Variants in ABCA9 observed in about 807,000 individuals in gnomAD.
ABCA9 encodes ATP binding cassette subfamily A member 9, also known as ATP-binding cassette sub-family A member 9.
Under a neutral mutation model 205.3 loss-of-function variants are expected in ABCA9, and 183 were observed. The observed-to-expected ratio is 0.89, with a 90% CI of 0.79 to 1.01. The LOEUF (loss-of-function observed/expected upper bound fraction) is 1.01. Among genes scored for constraint, ABCA9 ranks in the 50% least tolerant of loss-of-function variants. ABCA9 has a pLI of 0.00. For missense variants in ABCA9, 1,805 were observed against 1,912.4 expected, an observed-to-expected ratio of 0.94 and a Z score of 1.05; for synonymous variants, 651 against 683.3, an observed-to-expected ratio of 0.95 and a Z score of 0.74.
chr17:68,978,825 A>C (rs1446152844), intron 37 of ABCA9, among the ~76,000 whole-genome samples: 1 of 152,196 alleles, frequency 6.6e-6, no homozygotes, highest in African/African-American at 2.4e-5. Flanking sequence ...CCCACAGCCA[A>C]TATCATACTG....
chr17:68,976,816 A>T (rs1306225471), intron 37 of ABCA9, among the ~76,000 whole-genome samples: 1 of 152,206 alleles, frequency 6.6e-6, no homozygotes, highest in Admixed American at 6.5e-5. Context: ...CTGATAAACA[A>T]ACGTTCCTTG....
At chr17:68,982,498 G>T (rs560276154) in intron 37 of ABCA9, 64 bp downstream of exon 37, 3 of 1,213,544 alleles carry the variant, frequency 2.5e-6, no homozygotes, top group Non-Finnish European at 3.7e-6. Flanking sequence ...TTAAAATACT[G>T]GTTCTATGTC....
At chr17:69,055,384 A>G (rs1436233065) in intron 1 of ABCA9, among the ~76,000 whole-genome samples, 1 of 152,224 alleles carries the variant, frequency 6.6e-6, no homozygotes, top group Non-Finnish European at 1.5e-5. Context: ...GAATTCTAAA[A>G]CAGAACAGAC....
intron 27 of ABCA9, chr17:68,992,769 C>T (rs979352070): frequency 2.9e-5 from 10 of 340,170 alleles, no homozygotes; most frequent in East Asian, 2.9e-4. Context: ...GCTGAGATAG[C>T]GCCATTGCAC....
At chr17:69,076,112 T>TG in the ABCA9 span, among the ~76,000 whole-genome samples, 1 of 152,178 alleles carries the variant, frequency 6.6e-6, no homozygotes, top group African/African-American at 2.4e-5. Context: ...TCAAGGGGAA[T>TG]GGTTCCATCT....
At position 69,018,502 on chromosome 17, in the gene ABCA9, G is replaced by A. The variant is rs200396915; in HGVS notation, c.2678C>T (p.Pro893Leu). 6.4e-4 allele frequency: 1,026 copies of A among 1,607,586 alleles called. 3 individuals carry two copies. Among genetic ancestry groups the A allele is most frequent in the Non-Finnish European group, 7.9e-4 (926 of 1,177,038 alleles). Reference protein sequence around the residue: ...LFYESYQKSYPWELSPNTYFL... With the variant: ...LFYESYQKSYLWELSPNTYFL... ...GTATGTATTTGGAGACAGTTCCCAC[G>A]GGTAACTTTTCTGATATGACTCGTA... The change falls in exon 20 of 39, where the codon CCG (proline) becomes CTG (leucine). Residue 893 changes from proline (P) to leucine (L), a missense_variant. Physicochemically the swap from Pro to Leu is moderately conservative, Grantham distance 98. Coordinates refer to ENST00000340001, the MANE Select transcript of ABCA9 (RefSeq NM_080283.4).
At chr17:68,987,866 G>A (rs868275196) in intron 31 of ABCA9, among the ~76,000 whole-genome samples, 74 of 151,950 alleles carry the variant, frequency 4.9e-4, no homozygotes, top group African/African-American at 1.6e-3. Context: ...CCGGGTTCAA[G>A]CAATTCTCCT....
chr17:69,038,025 T>G (rs1229240602), intron 6 of ABCA9, among the ~76,000 whole-genome samples: 1 of 152,146 alleles, frequency 6.6e-6, no homozygotes, highest in East Asian at 1.9e-4. Flanking sequence ...CAGGAAGAAG[T>G]TGAATCCCTG....
At chr17:69,034,501 G>A (rs2071269794) in intron 8 of ABCA9, 2 of 152,180 alleles carry the variant, frequency 1.3e-5, no homozygotes. Context: ...ATTTACAGGT[G>A]TGAGTCACAG....
chr17:69,061,293 AAGAGT>A (rs2072240227), upstream of ABCA9: 1 of 269,478 alleles, frequency 3.7e-6, no homozygotes, highest in Admixed American at 6.5e-5. Flanking sequence ...CAATCCAGAG[AAGAGT>A]AGAGCAGAAC....
chr17:69,066,381 C>CT, the ABCA9 span, among the ~76,000 whole-genome samples: 88 of 149,010 alleles, frequency 5.9e-4, no homozygotes, highest in Non-Finnish European at 8.2e-4. Flanking sequence ...AAAAAAGTAT[C>CT]TTTTTTTTTT....
chr17:68,985,188 G>T, intron 32 of ABCA9, 60 bp from the exon 33 acceptor site: 2 of 1,610,290 alleles, frequency 1.2e-6, no homozygotes, highest in South Asian at 2.2e-5. Context: ...ATGGGAGAAT[G>T]AGCAAATCAG....
chr17:69,018,092 A>AT (rs1045875552), intron 20 of ABCA9: 21 of 365,262 alleles, frequency 5.7e-5, no homozygotes, highest in Non-Finnish European at 4.8e-5. Flanking sequence ...AATTTGAAAC[A>AT]TTTTTTTCCA....
At position 68,975,847 on chromosome 17, in the gene ABCA9, T is replaced by G. The variant is rs117344825; in HGVS notation, c.*68A>C. 19,411 of 1,214,838 alleles carry G rather than the reference T, an allele frequency of 0.016. 208 individuals are homozygous for G. The highest frequency in any genetic ancestry group is 0.02 in the Non-Finnish European group (17,192 of 844,386). 75.3% of individuals were successfully genotyped at this position (1,214,838 alleles called of 1,614,324 possible). On this transcript the variant is annotated 3_prime_UTR_variant, in exon 39 of 39. Transcript: ENST00000340001. ...TGTACCACCTCTGATATAAGGCATATTAAGGCTATAAAATATTATCTTTAA... is the reference window on the plus strand; with the variant it reads ...TGTACCACCTCTGATATAAGGCATAGTAAGGCTATAAAATATTATCTTTAA...
Position 68,983,759 on chromosome 17 carries a change from G to C in ABCA9, c.4590C>G (p.Pro1530=), listed in dbSNP as rs753801877. Residue 1530 remains proline (P), a synonymous_variant, in exon 36 of 39, where the codon CCC becomes CCG. Coordinates refer to ENST00000340001, the MANE Select transcript of ABCA9 (RefSeq NM_080283.4). The part of the protein sequence containing the change: ...MKLKNLAQME[P]LHAEILRLFP... Reference sequence around the variant, plus strand: ...AAAGCCTCAGGATCTCTGCATGGAGGGGCTCCATTTGTGCCAGGTTCTTCA... The same window carrying C: ...AAAGCCTCAGGATCTCTGCATGGAGCGGCTCCATTTGTGCCAGGTTCTTCA... 3.7e-6 allele frequency: 6 copies of C among 1,614,088 alleles called. No individual in the cohort carries two copies. The African/African-American group carries it at 8.0e-5, about 22-fold the overall frequency.
rs193002155 is a variant in ABCA9 at position 69,005,377 on chromosome 17, A to G, written c.3435+2382T>C. 2.4e-3 allele frequency among the ~76,000 whole-genome samples: 360 copies of G among 152,290 alleles called. 2 individuals carry two copies. Among genetic ancestry groups the G allele is most frequent in the African/African-American group, 8.3e-3 (343 of 41,556 alleles). ...TGGGCACCCTATTAGACGTTGGGCC[A>G]CAGTCCAATTCAGTCCAGAGCCCTG... is the stretch of plus-strand genomic sequence containing the variant. On this transcript the variant is annotated intron_variant, in intron 25 of 38. Coordinates refer to ENST00000340001, the MANE Select transcript of ABCA9 (RefSeq NM_080283.4).
intron 1 of ABCA9, among the ~76,000 whole-genome samples, chr17:69,056,835 T>C (rs1217347107): frequency 6.6e-6 from 1 of 152,172 alleles, no homozygotes; most frequent in Non-Finnish European, 1.5e-5. Flanking sequence ...AATAGTTAAA[T>C]ATGTGGTGAT....
chr17:69,036,498 C>T (rs2071342519), intron 6 of ABCA9, among the ~76,000 whole-genome samples: 1 of 152,002 alleles, frequency 6.6e-6, no homozygotes, highest in Non-Finnish European at 1.5e-5. Flanking sequence ...TTTGTCACCA[C>T]CAGGCCTGCC....
chr17:69,066,312 A>G, the ABCA9 span, among the ~76,000 whole-genome samples: 1 of 152,192 alleles, frequency 6.6e-6, no homozygotes, highest in Non-Finnish European at 1.5e-5. Flanking sequence ...AGGTTGCTCA[A>G]TACATATGTT....
Sources: gnomAD v4.1 joint callset for allele counts (sites outside exome capture counted in the v4.1 genomes callset) on GRCh38, gnomAD v4.1.1 for gene constraint, MANE v1.5 for transcripts, NCBI Gene and HGNC (gene_info 2026-07-23, HGNC 2026-07-21) for gene names.